Variants in PCDHGA4 observed in about 807,000 individuals in gnomAD.
The protein encoded by PCDHGA4 is protocadherin gamma-A4.
PCDHGA4 carries 38 observed loss-of-function variants against 54.6 expected under a neutral mutation model. That is an observed-to-expected ratio of 0.70 (90% CI 0.54 to 0.91). The LOEUF is 0.91. Among genes scored for constraint, PCDHGA4 ranks in the 40% least tolerant of loss-of-function variants. PCDHGA4 has a pLI of 0.00. For synonymous variants in PCDHGA4, 511 were observed against 512.9 expected, an observed-to-expected ratio of 1.00 and a Z score of 0.05; for missense variants, 1,298 against 1,220.9, an observed-to-expected ratio of 1.06 and a Z score of -0.94.
chr5:141,426,523 G>A (rs1018320941), intron 1 of PCDHGA4: 14 of 342,474 alleles, frequency 4.1e-5, no homozygotes, highest in African/African-American at 3.0e-4. Flanking sequence ...CGTGAACACG[G>A]AGAATGGGAA....
At chr5:141,385,020 C>A (rs1780771634) in intron 1 of PCDHGA4, 7 of 1,614,168 alleles carry the variant, frequency 4.3e-6, no homozygotes, top group Non-Finnish European at 5.9e-6. Flanking sequence ...TCCTAGCCTT[C>A]GTCCTCGTAC....
rs759647406 is a variant in PCDHGA4 at position 141,493,849 on chromosome 5, A to G, written c.2515-958A>G. Among the ~76,000 whole-genome samples the G allele has an allele frequency of 6.6e-6, 1 of 152,178 alleles. No individual in the cohort carries two copies. The highest frequency in any genetic ancestry group is 1.5e-5 in the Non-Finnish European group (1 of 68,028). ...CTGGGAGCAAGTATGAGTATTAATT[A>G]CCAGCCCACCCCAGAACCAGTGAGG... On this transcript the variant is annotated intron_variant, in intron 1 of 3. Coordinates refer to ENST00000571252, the MANE Select transcript of PCDHGA4 (RefSeq NM_018917.4). The surrounding 1 kb of genome is among the most constrained non-coding windows in gnomAD (Gnocchi z 4.3).
chr5:141,365,971 G>A lies in PCDHGA4; in HGVS notation c.2514+8350G>A, dbSNP rs769584831. 6 of 1,614,218 alleles carry A rather than the reference G, an allele frequency of 3.7e-6. No homozygotes were observed. In the South Asian group the frequency reaches 5.5e-5, roughly 15 times the overall value. On this transcript the variant is annotated intron_variant, in intron 1 of 3. Coordinates refer to ENST00000571252, the MANE Select transcript of PCDHGA4 (RefSeq NM_018917.4). ...ACCCTCCACTTAGCAGCAACGTGTCGCTGAGCCTGTTTGTGCTGGACCAGA... is the reference window on the plus strand; with the variant it reads ...ACCCTCCACTTAGCAGCAACGTGTCACTGAGCCTGTTTGTGCTGGACCAGA...
intron 1 of PCDHGA4, among the ~76,000 whole-genome samples, chr5:141,420,868 G>C (rs1479734969): frequency 6.6e-6 from 1 of 152,222 alleles, no homozygotes; most frequent in Non-Finnish European, 1.5e-5. Context: ...GTCACATAAT[G>C]TAAGTATTGT....
intron 1 of PCDHGA4, chr5:141,372,458 A>G (rs778949462): frequency 3.7e-6 from 6 of 1,614,044 alleles, no homozygotes; most frequent in South Asian, 2.2e-5. Context: ...AGGCGGAGCT[A>G]CAGTTTCACC....
At chr5:141,443,820 T>A (rs1329478151) in intron 1 of PCDHGA4, among the ~76,000 whole-genome samples, 1 of 151,986 alleles carries the variant, frequency 6.6e-6, no homozygotes, top group Non-Finnish European at 1.5e-5. Context: ...TTGGAAAACA[T>A]AATTAGGTAA....
chr5:141,474,819 G>A (rs1180279468), intron 1 of PCDHGA4, among the ~76,000 whole-genome samples: 1 of 152,190 alleles, frequency 6.6e-6, no homozygotes, highest in Non-Finnish European at 1.5e-5. Flanking sequence ...CATTAATTGA[G>A]GCTTACTCTG....
chr5:141,478,685 A>G, intron 1 of PCDHGA4: 3 of 1,551,308 alleles, frequency 1.9e-6, no homozygotes, highest in Non-Finnish European at 2.6e-6. Context: ...GGCCCTTCCT[A>G]GATCAAAGTT....
intron 1 of PCDHGA4, among the ~76,000 whole-genome samples, chr5:141,386,595 ATT>A (rs373179212): frequency 2.1e-5 from 3 of 146,060 alleles, no homozygotes; most frequent in African/African-American, 7.5e-5. Flanking sequence ...TGGGGGATAC[ATT>A]TTTTTTTTTT....
At chr5:141,399,818 G>A in intron 1 of PCDHGA4, 1 of 1,613,204 alleles carries the variant, frequency 6.2e-7, no homozygotes, top group Non-Finnish European at 8.5e-7. Context: ...CCCGCGCTGG[G>A]TCCCGACGGC....
chr5:141,363,134 T>G (rs969653760), intron 1 of PCDHGA4, among the ~76,000 whole-genome samples: 4 of 152,230 alleles, frequency 2.6e-5, no homozygotes, highest in Admixed American at 1.3e-4. Flanking sequence ...CTAGAAAGAG[T>G]GCATTTAACA....
rs996353495 is a variant in PCDHGA4, at chr5:141,485,101, T to G, written c.2515-9706T>G. 12 of 1,158,090 alleles carry G rather than the reference T, an allele frequency of 1.0e-5. No individual in the cohort carries two copies. Among genetic ancestry groups the G allele is most frequent in the Non-Finnish European group, 1.4e-5 (11 of 786,830 alleles). The allele number at this position is 1,158,090 out of a possible 1,614,324, so 71.7% of individuals were successfully genotyped here. ...GGAAAGGGAGATAGGTGTCTCCAGC[T>G]GCTGTGGCTGTTTGGGGCGGGTCGG... On this transcript the variant is annotated intron_variant, in intron 1 of 3. Transcript: ENST00000571252. This position sits in a 1 kb window ranked among gnomAD's most constrained non-coding sequence, Gnocchi z 5.7.
chr5:141,384,152 A>T (rs1588962194), intron 1 of PCDHGA4: 2 of 1,613,508 alleles, frequency 1.2e-6, no homozygotes, highest in Non-Finnish European at 1.7e-6. Flanking sequence ...CTCTCTTTGT[A>T]TAACATCACA....
Position 141,486,639 on chromosome 5 carries a change from T to G in PCDHGA4, c.2515-8168T>G, listed in dbSNP as rs1250700423. ...GACCCAGACTCTGGCTTGAATGCGC[T>G]TATCTCCTACTCACTCCTGGAGCCC... On this transcript the variant is annotated intron_variant, in intron 1 of 3. Transcript: ENST00000571252. The surrounding 1 kb of genome is among the most constrained non-coding windows in gnomAD (Gnocchi z 5.0). The G allele has an allele frequency of 6.2e-7, 1 of 1,613,818 alleles. No individual in the cohort carries two copies. The highest frequency in any genetic ancestry group is 1.1e-5 in the South Asian group (1 of 91,084).
Position 141,491,057 on chromosome 5 carries a change from CCTA to C in PCDHGA4, c.2515-3747_2515-3745del. On this transcript the variant is annotated intron_variant, in intron 1 of 3. Coordinates refer to ENST00000571252, the MANE Select transcript of PCDHGA4 (RefSeq NM_018917.4). The surrounding 1 kb of genome is among the most constrained non-coding windows in gnomAD (Gnocchi z 6.9). ...GATGCAGGCCACAATGCGTGGCTCTCCTACTCACTGTTGCCACAGTCCACAGCC... is the reference window on the plus strand; with the variant it reads ...GATGCAGGCCACAATGCGTGGCTCTCCTCACTGTTGCCACAGTCCACAGCC... 6.2e-7 allele frequency: 1 copy of C among 1,614,208 alleles called. No homozygotes were observed. The highest frequency in any genetic ancestry group is 8.5e-7 in the Non-Finnish European group (1 of 1,180,022).
intron 1 of PCDHGA4, chr5:141,409,662 TCTC>T (rs1473145245): frequency 2.5e-6 from 4 of 1,613,562 alleles, no homozygotes; most frequent in Admixed American, 1.7e-5. Context: ...AATGGCCACA[TCTC>T]CTACTCTATA....
chr5:141,419,569 C>T (rs1200109635), intron 1 of PCDHGA4: 3 of 1,611,654 alleles, frequency 1.9e-6, no homozygotes, highest in East Asian at 2.2e-5. Context: ...TGGGTCCCGA[C>T]GGCTCCGCGC....
intron 1 of PCDHGA4, chr5:141,471,417 T>A (rs1174855045): frequency 6.6e-6 from 1 of 152,190 alleles, no homozygotes; most frequent in Non-Finnish European, 1.5e-5. Flanking sequence ...GTTATGTTTT[T>A]AGCAAGGAAA....
chr5:141,402,684 A>G (rs2094294341), intron 1 of PCDHGA4, among the ~76,000 whole-genome samples: 1 of 152,144 alleles, frequency 6.6e-6, no homozygotes, highest in African/African-American at 2.4e-5. Context: ...ATCTGATATA[A>G]TGTTACACAT....
Sources: allele counts gnomAD v4.1 joint callset (sites outside exome capture counted in the v4.1 genomes callset), GRCh38; gene constraint gnomAD v4.1.1; non-coding constraint Gnocchi (gnomAD v3.1); transcripts MANE v1.5; gene names NCBI Gene and HGNC (gene_info 2026-07-23, HGNC 2026-07-21).